TCF12: variants seen among roughly 807,000 people sequenced by gnomAD.
TCF12 encodes DNA-binding protein HTF4.
Under a neutral mutation model 86.0 loss-of-function variants are expected in TCF12, and 45 were observed. The observed-to-expected ratio is 0.52, with a 90% CI of 0.41 to 0.67. The LOEUF is 0.67. Ranked by LOEUF, TCF12 falls within the 30% of genes least tolerant of loss-of-function variation. The pLI is 0.00. For synonymous variants in TCF12, 330 were observed against 299.6 expected, an observed-to-expected ratio of 1.10 and a Z score of -1.05; for missense variants, 881 against 859.9, an observed-to-expected ratio of 1.02 and a Z score of -0.31.
intron 3 of TCF12, among the ~76,000 whole-genome samples, chr15:57,035,861 T>C (rs1188634400): frequency 2.0e-5 from 3 of 151,944 alleles, no homozygotes; most frequent in Admixed American, 1.3e-4. Flanking sequence ...AGGAGGTGAG[T>C]GGCAAGCAAA....
rs553306129 is a variant in TCF12, at chr15:57,101,609, A to G, written c.325+9718A>G. 7.9e-5 allele frequency among the ~76,000 whole-genome samples: 12 copies of G among 152,320 alleles called. 1 individual carries two copies. In the South Asian group the frequency reaches 2.5e-3, roughly 32 times the overall value. On this transcript the variant is annotated intron_variant, in intron 5 of 20. Transcript: ENST00000333725. ...TGTGCACGCGTGCGTGCACACACAC[A>G]CGTGCATATGCACCCACACACATAT...
At chr15:57,077,319 G>T (rs7174433) in intron 4 of TCF12, among the ~76,000 whole-genome samples, 1 of 37,986 alleles carries the variant, frequency 2.6e-5, no homozygotes, top group Admixed American at 2.1e-4. Context: ...CCATATATAT[G>T]TATATATATG....
At chr15:57,030,007 G>A (rs1176296786) in intron 3 of TCF12, among the ~76,000 whole-genome samples, 1 of 152,070 alleles carries the variant, frequency 6.6e-6, no homozygotes, top group Non-Finnish European at 1.5e-5. Context: ...TATAGTTTTT[G>A]GAGATAAGAG....
At chr15:57,030,486 C>T (rs1352753393) in intron 3 of TCF12, among the ~76,000 whole-genome samples, 2 of 152,132 alleles carry the variant, frequency 1.3e-5, no homozygotes, top group African/African-American at 4.8e-5. Context: ...CCTGCCTCAG[C>T]CTCTCAAAAT....
intron 4 of TCF12, among the ~76,000 whole-genome samples, chr15:57,064,229 A>G (rs950202920): frequency 6.6e-6 from 1 of 152,288 alleles, no homozygotes; most frequent in Middle Eastern, 3.4e-3. Flanking sequence ...TGCATCAGGA[A>G]CTCAACAGCC....
intron 3 of TCF12, among the ~76,000 whole-genome samples, chr15:56,998,433 G>C (rs911139164): frequency 6.2e-5 from 9 of 145,258 alleles, no homozygotes; most frequent in African/African-American, 2.3e-4. Context: ...CTCCAGCCTT[G>C]GTGACAGGGG....
intron 3 of TCF12, among the ~76,000 whole-genome samples, chr15:56,987,991 A>G (rs1198580632): frequency 6.6e-6 from 1 of 152,238 alleles, no homozygotes; most frequent in Non-Finnish European, 1.5e-5. Context: ...GATATTTCAT[A>G]TATCACTTGT....
At chr15:57,277,299 TG>T (rs1264264518) in intron 19 of TCF12, among the ~76,000 whole-genome samples, 1 of 152,000 alleles carries the variant, frequency 6.6e-6, no homozygotes, top group Non-Finnish European at 1.5e-5. Flanking sequence ...CACTCCAGCC[TG>T]GGTGACAGTG....
intron 3 of TCF12, chr15:57,001,357 G>A (rs1252272290): frequency 2.8e-5 from 5 of 181,250 alleles, no homozygotes. Context: ...AGGTTTCACA[G>A]ATTTGAATAC....
intron 9 of TCF12, among the ~76,000 whole-genome samples, chr15:57,231,748 A>T (rs1249380617): frequency 3.3e-5 from 5 of 152,218 alleles, no homozygotes; most frequent in African/African-American, 1.2e-4. Flanking sequence ...GGAAACAAAT[A>T]TATGGGAGCA....
At chr15:57,074,496 AGTTT>A (rs547100016) in intron 4 of TCF12, among the ~76,000 whole-genome samples, 12 of 152,140 alleles carry the variant, frequency 7.9e-5, no homozygotes, top group African/African-American at 2.4e-4. Context: ...CCCAACAAGA[AGTTT>A]GTTTGTTTGT....
chr15:57,057,961 G>A (rs764710314), intron 3 of TCF12, among the ~76,000 whole-genome samples: 5 of 152,158 alleles, frequency 3.3e-5, no homozygotes, highest in Admixed American at 2.0e-4. Flanking sequence ...ATATTAGATT[G>A]GGAGAATACT....
intron 3 of TCF12, among the ~76,000 whole-genome samples, chr15:56,949,567 C>T (rs562674143): frequency 3.3e-5 from 5 of 152,252 alleles, no homozygotes; most frequent in African/African-American, 9.6e-5. Context: ...AAGAGAAAAA[C>T]AGTGTAAGAA....
chr15:57,003,437 C>T (rs761607705), intron 3 of TCF12, among the ~76,000 whole-genome samples: 14 of 152,218 alleles, frequency 9.2e-5, no homozygotes, highest in Non-Finnish European at 1.9e-4. Context: ...TTATCTAACA[C>T]AGCTATTTTC....
intron 12 of TCF12, among the ~76,000 whole-genome samples, chr15:57,235,974 A>G (rs2059364159): frequency 6.6e-6 from 1 of 152,196 alleles, no homozygotes; most frequent in Non-Finnish European, 1.5e-5. Flanking sequence ...TTTGGAAAAG[A>G]AAACCCAAAT....
chr15:56,970,873 G>C (rs879147239), intron 3 of TCF12, among the ~76,000 whole-genome samples: 1 of 149,772 alleles, frequency 6.7e-6, no homozygotes, highest in African/African-American at 2.5e-5. Flanking sequence ...AACATAGGGA[G>C]ACCCTGTCTC....
chr15:57,207,473 C>T (rs2057886785), intron 8 of TCF12, among the ~76,000 whole-genome samples: 1 of 152,094 alleles, frequency 6.6e-6, no homozygotes, highest in Non-Finnish European at 1.5e-5. Flanking sequence ...GAGTTTGAGG[C>T]CAGTCTGACC....
intron 8 of TCF12, among the ~76,000 whole-genome samples, chr15:57,214,604 T>C (rs1026143728): frequency 2.0e-5 from 3 of 152,242 alleles, no homozygotes; most frequent in Admixed American, 2.0e-4. Context: ...ACATCTGATA[T>C]CCTGTATCTG....
intron 7 of TCF12, 83 bp downstream of exon 7, chr15:57,192,376 T>G: frequency 8.3e-7 from 1 of 1,198,640 alleles, no homozygotes; most frequent in South Asian, 1.9e-5. Flanking sequence ...TGGCTATGCT[T>G]TTTTTTTTTT....
Sources: allele counts gnomAD v4.1 joint callset (sites outside exome capture counted in the v4.1 genomes callset), GRCh38; gene constraint gnomAD v4.1.1; transcripts MANE v1.5; gene names NCBI Gene and HGNC (gene_info 2026-07-23, HGNC 2026-07-21).